The following ANO3 variants were observed in gnomAD, a reference collection of about 807,000 sequenced individuals.
ANO3 encodes anoctamin-3.
A neutral mutation model predicts 144.8 loss-of-function variants in ANO3; 99 were observed. That is an observed-to-expected ratio of 0.68 (90% CI 0.58 to 0.81). The LOEUF (loss-of-function observed/expected upper bound fraction) is 0.81. Ranked by LOEUF, ANO3 falls within the 30% of genes least tolerant of loss-of-function variation. ANO3 has a pLI of 0.00. For synonymous variants in ANO3, 414 were observed against 392.6 expected (o/e 1.05, Z -0.64); for missense variants, 905 against 1,202.2 (o/e 0.75, Z 3.66).
intron 3 of ANO3, among the ~76,000 whole-genome samples, chr11:26,460,891 AC>A (rs1859369650): frequency 6.6e-6 from 1 of 152,026 alleles, no homozygotes; most frequent in African/African-American, 2.4e-5. Context: ...AGTTTAGAGG[AC>A]CCTTAGAGAC....
At chr11:26,644,112 A>C (rs1590670880) in intron 23 of ANO3, among the ~76,000 whole-genome samples, 1 of 152,230 alleles carries the variant, frequency 6.6e-6, no homozygotes, top group Non-Finnish European at 1.5e-5. Flanking sequence ...ACTTAGCACC[A>C]TGTGGTTTTC....
intron 1 of ANO3, among the ~76,000 whole-genome samples, chr11:26,380,849 G>T (rs947708723): frequency 6.6e-6 from 1 of 152,074 alleles, no homozygotes; most frequent in Non-Finnish European, 1.5e-5. Flanking sequence ...GGTTGTGGTG[G>T]TGTGTGCCTG....
rs1328657467 is a variant in ANO3, at chr11:26,442,047, C to T, written c.176C>T (p.Ser59Leu). The stretch of plus-strand genomic sequence containing the variant: ...AGCCAGTCTACTTCCCTCTTCCAGT[C>T]AACCGAGAGTGAATCTCAGGCTCCC... The part of the protein sequence containing the change: ...SLSQSTSLFQ[S>L]TESESQAPTS... Residue 59 changes from serine to leucine, a missense_variant, in exon 2 of 27, where the codon TCA becomes TTA. By Grantham distance (145) the Ser-to-Leu change is moderately radical. Transcript: ENST00000256737. The T allele has an allele frequency of 6.2e-7, 1 of 1,614,198 alleles. No individual in the cohort carries two copies. The highest frequency in any genetic ancestry group is 2.2e-5 in the East Asian group (1 of 44,888).
intron 6 of ANO3, among the ~76,000 whole-genome samples, chr11:26,520,524 G>T (rs1282028093): frequency 6.6e-6 from 1 of 152,102 alleles, no homozygotes; most frequent in Admixed American, 6.6e-5. Flanking sequence ...AAATTCTCAT[G>T]ATTTACCAAT....
chr11:26,582,687 G>T (rs1851166031), intron 14 of ANO3, among the ~76,000 whole-genome samples: 1 of 152,030 alleles, frequency 6.6e-6, no homozygotes, highest in Non-Finnish European at 1.5e-5. Flanking sequence ...GTTTATTCAT[G>T]GTGGGATTGT....
At chr11:26,513,783 G>A (rs1354798472) in intron 5 of ANO3, among the ~76,000 whole-genome samples, 1 of 152,106 alleles carries the variant, frequency 6.6e-6, no homozygotes, top group Non-Finnish European at 1.5e-5. Flanking sequence ...TCAAGGTCAT[G>A]GCTACTCAGT....
intron 1 of ANO3, among the ~76,000 whole-genome samples, chr11:26,335,309 C>T (rs1855164277): frequency 6.6e-6 from 1 of 152,132 alleles, no homozygotes; most frequent in Non-Finnish European, 1.5e-5. Flanking sequence ...AGTGATTTTC[C>T]TTACTAAAAT....
chr11:26,499,303 A>G (rs1022253201), intron 4 of ANO3, among the ~76,000 whole-genome samples: 2 of 151,816 alleles, frequency 1.3e-5, no homozygotes, highest in African/African-American at 4.8e-5. Context: ...ATGTAATTGC[A>G]TGTACCAGCT....
chr11:26,593,042 C>CCCTTT (rs971126110), intron 14 of ANO3, among the ~76,000 whole-genome samples: 1 of 152,008 alleles, frequency 6.6e-6, no homozygotes, highest in Non-Finnish European at 1.5e-5. Context: ...CCTTCTATTT[C>CCCTTT]CCTTTCCTTT....
At chr11:26,263,498 C>A (rs1853240605) in intron 1 of ANO3, among the ~76,000 whole-genome samples, 1 of 152,208 alleles carries the variant, frequency 6.6e-6, no homozygotes, top group Non-Finnish European at 1.5e-5. Context: ...TGCTCCTTCC[C>A]AGTGTTATTC....
At chr11:26,614,840 A>G (rs1270350885) in intron 17 of ANO3, among the ~76,000 whole-genome samples, 3 of 151,998 alleles carry the variant, frequency 2.0e-5, no homozygotes, top group Non-Finnish European at 4.4e-5. Context: ...CTCCACATAA[A>G]TTTTACCATT....
chr11:26,597,556 G>A (rs1221821730), intron 14 of ANO3, among the ~76,000 whole-genome samples: 4 of 152,148 alleles, frequency 2.6e-5, no homozygotes, highest in Non-Finnish European at 4.4e-5. Flanking sequence ...GTGGTGGACA[G>A]CAAGCAAAAG....
At chr11:26,341,175 G>A (rs999639047) in intron 1 of ANO3, among the ~76,000 whole-genome samples, 4 of 149,548 alleles carry the variant, frequency 2.7e-5, no homozygotes, top group South Asian at 2.1e-4. Context: ...GCAAAACAGC[G>A]GGCTTTGCTG....
chr11:26,215,969 G>A (rs1041819753), intron 1 of ANO3, among the ~76,000 whole-genome samples: 2 of 151,860 alleles, frequency 1.3e-5, no homozygotes, highest in Non-Finnish European at 2.9e-5. Flanking sequence ...ACCAGGGTAC[G>A]ATTATTTATA....
chr11:26,348,813 A>C (rs1226382780), intron 1 of ANO3, among the ~76,000 whole-genome samples: 1 of 152,234 alleles, frequency 6.6e-6, no homozygotes, highest in Non-Finnish European at 1.5e-5. Flanking sequence ...TTATGGTGAA[A>C]CTGTTGGGGA....
chr11:26,209,078 G>A (rs1299472060), intron 1 of ANO3, among the ~76,000 whole-genome samples: 2 of 152,106 alleles, frequency 1.3e-5, no homozygotes, highest in African/African-American at 2.4e-5. Flanking sequence ...CACGTGCCAT[G>A]GTGGTTTGCT....
chr11:26,561,993 A>C (rs1258647609), intron 14 of ANO3, among the ~76,000 whole-genome samples: 2 of 151,852 alleles, frequency 1.3e-5, no homozygotes, highest in African/African-American at 2.4e-5. Context: ...CAGGAACCTT[A>C]GGTCTTTGGG....
intron 11 of ANO3, among the ~76,000 whole-genome samples, chr11:26,542,859 G>T (rs985654835): frequency 9.5e-6 from 1 of 104,870 alleles, no homozygotes; most frequent in African/African-American, 3.2e-5. Context: ...GAAAGAAAAA[G>T]ACCATTTATA....
intron 4 of ANO3, among the ~76,000 whole-genome samples, chr11:26,490,681 A>C (rs1273882877): frequency 6.6e-6 from 1 of 152,204 alleles, no homozygotes; most frequent in African/African-American, 2.4e-5. Flanking sequence ...ACCTAACCAC[A>C]ACTCCATCAG....
Sources: gnomAD v4.1 joint callset for allele counts (sites outside exome capture counted in the v4.1 genomes callset) on GRCh38, gnomAD v4.1.1 for gene constraint, MANE v1.5 for transcripts, NCBI Gene and HGNC (gene_info 2026-07-23, HGNC 2026-07-21) for gene names.